The following RARB variants were observed in gnomAD, a reference collection of about 807,000 sequenced individuals.
RARB encodes the protein retinoic acid receptor beta.
A neutral mutation model predicts 51.9 loss-of-function variants in RARB; 17 were observed. The ratio of observed to expected loss-of-function variants is 0.33; its 90% CI spans 0.22 to 0.49. The LOEUF is 0.49. Ranked by LOEUF, RARB falls within the 20% of genes least tolerant of loss-of-function variation. The pLI, the probability that RARB is intolerant of heterozygous loss-of-function variation, is 0.99. For synonymous variants in RARB, 215 were observed against 195.4 expected (o/e 1.10, Z -0.84); for missense variants, 369 against 550.8 (o/e 0.67, Z 3.30).
At chr3:25,571,999 C>T (rs1001869651) in intron 4 of RARB, among the ~76,000 whole-genome samples, 1 of 152,194 alleles carries the variant, frequency 6.6e-6, no homozygotes, top group Non-Finnish European at 1.5e-5. Flanking sequence ...CCATTTATTT[C>T]TTTTAGAAAT....
At chr3:24,926,763 G>A (rs909848968) in intron 2 of RARB, among the ~76,000 whole-genome samples, 2 of 151,926 alleles carry the variant, frequency 1.3e-5, no homozygotes, top group African/African-American at 4.8e-5. Flanking sequence ...GAGCTTCTGG[G>A]TACTATATTC....
chr3:25,225,817 G>A (rs1702043831), intron 5 of RARB, among the ~76,000 whole-genome samples: 1 of 152,134 alleles, frequency 6.6e-6, no homozygotes, highest in Admixed American at 6.6e-5. Flanking sequence ...GTAGCATGAT[G>A]ATATCTTTGA....
intron 2 of RARB, among the ~76,000 whole-genome samples, chr3:25,007,397 G>A (rs1445077880): frequency 1.3e-5 from 2 of 151,758 alleles, no homozygotes; most frequent in Non-Finnish European, 2.9e-5. Context: ...AGGCCGAGGT[G>A]GGTGGATCAC....
At chr3:25,386,241 C>T (rs939403622) in intron 5 of RARB, among the ~76,000 whole-genome samples, 6 of 151,874 alleles carry the variant, frequency 4.0e-5, no homozygotes, top group African/African-American at 1.5e-4. Flanking sequence ...TAAAGGTTGG[C>T]CAGAAAAGTG....
upstream of RARB, among the ~76,000 whole-genome samples, chr3:25,427,992 G>A (rs1385646289): frequency 6.6e-6 from 1 of 152,162 alleles, no homozygotes; most frequent in Non-Finnish European, 1.5e-5. Context: ...TGAGCCAGGA[G>A]CAGCGTCCCG....
At chr3:24,906,479 G>T (rs539103741) in intron 2 of RARB, among the ~76,000 whole-genome samples, 1 of 152,112 alleles carries the variant, frequency 6.6e-6, no homozygotes, top group South Asian at 2.1e-4. Context: ...GTGTGAATTG[G>T]AATACTGCCC....
intron 2 of RARB, among the ~76,000 whole-genome samples, chr3:24,859,595 C>G (rs1192033900): frequency 1.3e-5 from 2 of 152,140 alleles, no homozygotes; most frequent in Non-Finnish European, 2.9e-5. Context: ...CCAGACTCAA[C>G]CAATATAATC....
At chr3:25,074,263 A>G (rs1698827435) in intron 3 of RARB, among the ~76,000 whole-genome samples, 1 of 152,218 alleles carries the variant, frequency 6.6e-6, no homozygotes, top group African/African-American at 2.4e-5. Context: ...ACTATTTACC[A>G]AGTCACAGTA....
At chr3:25,379,124 G>T (rs761271368) in intron 5 of RARB, among the ~76,000 whole-genome samples, 1 of 152,090 alleles carries the variant, frequency 6.6e-6, no homozygotes, top group Non-Finnish European at 1.5e-5. Context: ...CCACTTAATG[G>T]TCTGTTTAGA....
intron 3 of RARB, among the ~76,000 whole-genome samples, chr3:25,131,898 G>C (rs1020181615): frequency 5.9e-5 from 9 of 151,936 alleles, no homozygotes; most frequent in African/African-American, 2.2e-4. Flanking sequence ...TAAAGGCAGA[G>C]GAAAGTGTGG....
chr3:25,010,795 G>A (rs999304268), intron 2 of RARB, among the ~76,000 whole-genome samples: 2 of 151,934 alleles, frequency 1.3e-5, no homozygotes, highest in Non-Finnish European at 2.9e-5. Context: ...ATCCTTCTTT[G>A]GTCAGAATTA....
At chr3:25,215,225 T>A (rs776330724) in intron 5 of RARB, among the ~76,000 whole-genome samples, 8 of 152,214 alleles carry the variant, frequency 5.3e-5, no homozygotes, top group Non-Finnish European at 1.2e-4. Flanking sequence ...GGTGGTTCTC[T>A]GTAGCCAGGG....
rs577967041 is a variant in RARB at position 24,972,768 on chromosome 3, C to T, written c.-379-87357C>T. On this transcript the variant is annotated intron_variant, in intron 2 of 11. Coordinates refer to the RARB transcript ENST00000383772. ...TGATATTAAACATTTTTTCATATAC[C>T]CCGTGGCCATTTGTAAGTCTTCTTT... Among the ~76,000 whole-genome samples, 3 of 151,644 alleles carry T rather than the reference C, an allele frequency of 2.0e-5. No homozygotes were observed. The South Asian group carries it at 6.3e-4, about 32-fold the overall frequency.
At chr3:24,880,073 C>T (rs1032868868) in intron 2 of RARB, among the ~76,000 whole-genome samples, 3 of 151,974 alleles carry the variant, frequency 2.0e-5, no homozygotes, top group Admixed American at 2.0e-4. Flanking sequence ...TACATTTTTT[C>T]CTCTATTTTT....
chr3:25,151,304 C>A (rs981858673), intron 4 of RARB, among the ~76,000 whole-genome samples: 4 of 152,048 alleles, frequency 2.6e-5, no homozygotes, highest in African/African-American at 9.7e-5. Flanking sequence ...TTGCATTTCC[C>A]TGAAGCAAAT....
intron 5 of RARB, among the ~76,000 whole-genome samples, chr3:25,378,636 A>C (rs974039792): frequency 2.0e-5 from 3 of 152,160 alleles, no homozygotes; most frequent in Admixed American, 2.0e-4. Flanking sequence ...TCAAACTTTT[A>C]TGTTTAGTAT....
At chr3:25,353,749 T>C (rs1420547624) in intron 5 of RARB, among the ~76,000 whole-genome samples, 2 of 152,114 alleles carry the variant, frequency 1.3e-5, no homozygotes, top group East Asian at 3.9e-4. Flanking sequence ...CAGATAATTA[T>C]GGTGAGGCCA....
chr3:25,460,612 T>C (rs1468792527), intron 1 of RARB, among the ~76,000 whole-genome samples: 1 of 151,996 alleles, frequency 6.6e-6, no homozygotes, highest in East Asian at 1.9e-4. Context: ...CACACCTTGC[T>C]AATTTTTGTA....
At chr3:25,551,857 T>C (rs963223881) in intron 3 of RARB, among the ~76,000 whole-genome samples, 1 of 152,228 alleles carries the variant, frequency 6.6e-6, no homozygotes, top group Admixed American at 6.5e-5. Flanking sequence ...GCCTTCAATC[T>C]GTTTTCCATA....
Sources: allele counts gnomAD v4.1 joint callset (sites outside exome capture counted in the v4.1 genomes callset), GRCh38; gene constraint gnomAD v4.1.1; transcripts MANE v1.5; gene names NCBI Gene and HGNC (gene_info 2026-07-23, HGNC 2026-07-21).